Variants in MEX3D observed in about 807,000 individuals in gnomAD.
MEX3D encodes the protein RNA-binding protein MEX3D.
MEX3D carries 4 observed loss-of-function variants against 6.3 expected under a neutral mutation model. That is an observed-to-expected ratio of 0.64 (90% confidence interval 0.31 to 1.46). The LOEUF is 1.46. Ranked by LOEUF, MEX3D falls within the 40% of genes most tolerant of loss-of-function variation. The pLI is 0.07. For missense variants in MEX3D, 1,038 were observed against 994.4 expected (o/e 1.04, Z -0.59); for synonymous variants, 626 against 494.1 (o/e 1.27, Z -3.54).
At chr19:1,557,729 G>C (rs1427270627) in intron 1 of MEX3D, among the ~76,000 whole-genome samples, 1 of 151,004 alleles carries the variant, frequency 6.6e-6, no homozygotes, top group Non-Finnish European at 1.5e-5. Flanking sequence ...CGTGGTGGCA[G>C]GCATCTGTAG....
rs1284485078 is a variant in MEX3D, at chr19:1,556,451, G to A, written c.1068C>T (p.Ala356=). The stretch of plus-strand genomic sequence containing the variant: ...GGTCCAGGCAGACGTCGGTGCCGTT[G>A]GCGTGGAAGTCGCTGTCGGGGCCCG... The part of the protein sequence containing the change: ...TDAGPDSDFH[A]NGTDVCLDLL... The change falls in exon 2 of 2, where the codon GCC becomes GCT. Residue 356 remains alanine (A), a synonymous_variant. Coordinates refer to ENST00000402693, the MANE Select transcript of MEX3D (RefSeq NM_203304.4). This position sits in a 1 kb window ranked among gnomAD's most constrained non-coding sequence, Gnocchi z 7.5. The A allele has an allele frequency of 1.9e-6, 3 of 1,598,388 alleles. No individual in the cohort carries two copies. Among genetic ancestry groups the A allele is most frequent in the Non-Finnish European group, 1.7e-6 (2 of 1,177,664 alleles).
chr19:1,566,918 G>A (rs1914855679), intron 1 of MEX3D, among the ~76,000 whole-genome samples: 2 of 152,058 alleles, frequency 1.3e-5, no homozygotes, highest in South Asian at 2.1e-4. Context: ...CCTGACTCGG[G>A]GCCAGAGAGT....
chr19:1,555,964 C>G lies in MEX3D; in HGVS notation c.1555G>C (p.Glu519Gln), dbSNP rs1914532569. The change falls in exon 2 of 2, where the codon GAG becomes CAG. Residue 519 changes from glutamate (E) to glutamine (Q), a missense_variant. Transcript: ENST00000402693. ...GTPRHSPTLPEPGGLRLELPL... is the reference protein window; with the variant it reads ...GTPRHSPTLPQPGGLRLELPL... ...AGCTCCAGGCGGAGGCCGCCGGGCT[C>G]GGGCAGCGTGGGCGAGTGGCGGGGG... 15 of 1,169,826 alleles carry G rather than the reference C, an allele frequency of 1.3e-5. No homozygotes were observed. The highest frequency in any genetic ancestry group is 1.6e-5 in the Non-Finnish European group (15 of 948,322). The allele number at this position is 1,169,826 out of a possible 1,614,324, so 72.5% of individuals were successfully genotyped here. A position where few individuals can be genotyped will look rare whatever the true frequency, so the allele number is the denominator to read the frequency against.
rs533787784 is a variant in MEX3D at position 1,555,794 on chromosome 19, G to T, written c.1725C>A (p.Pro575=). 1 of 1,406,544 alleles carries T rather than the reference G, an allele frequency of 7.1e-7. No individual in the cohort carries two copies. The highest frequency in any genetic ancestry group is 3.4e-5 in the Admixed American group (1 of 29,832). 87.1% of individuals were successfully genotyped at this position (1,406,544 alleles called of 1,614,324 possible). ...PSSPAAAACA[P]LDSGASENSR... ...TGTTCTCGGAGGCGCCGGAGTCCAG[G>T]GGGGCGCAGGCGGCGGCCGCGGGGC... Residue 575 remains proline (P), a synonymous_variant, in exon 2 of 2, where the codon CCC becomes CCA. Transcript: ENST00000402693.
In MEX3D at chr19:1,567,903, G is replaced by T; in HGVS notation, c.156C>A (p.Pro52=). The change falls in exon 1 of 2, where the codon CCC becomes CCA. Residue 52 remains proline, a synonymous_variant. Coordinates refer to ENST00000402693, the MANE Select transcript of MEX3D (RefSeq NM_203304.4). This position sits in a 1 kb window ranked among gnomAD's most constrained non-coding sequence, Gnocchi z 6.5. ...GGCGGAGCGCGGCGGCCGCGTCGTC[G>T]GGTTCGGGCGGCGGCCGGGGCGCGG... ...AAPAPRPPPE[P]DDAAAALRLA... The T allele has an allele frequency of 1.0e-6, 1 of 981,056 alleles. No homozygotes were observed. The highest frequency in any genetic ancestry group is 4.5e-5 in the South Asian group (1 of 22,034). The allele number at this position is 981,056 out of a possible 1,614,324, so 60.8% of individuals were successfully genotyped here.
At position 1,555,446 on chromosome 19, in the gene MEX3D, CCCTCG is replaced by C; in HGVS notation, c.*112_*116del. ...ACTGGCCGCCGCCCACCCCCCTGCC[CCCTCG>C]GCCTCCGCCCCTCGCCCCCTCCCCG... On this transcript the variant is annotated 3_prime_UTR_variant, in exon 2 of 2. Coordinates refer to ENST00000402693, the MANE Select transcript of MEX3D (RefSeq NM_203304.4). 1 of 1,453,466 alleles carries C rather than the reference CCCTCG, an allele frequency of 6.9e-7. No individual in the cohort carries two copies. The highest frequency in any genetic ancestry group is 2.1e-5 in the Admixed American group (1 of 47,840). 90.0% of individuals were successfully genotyped at this position (1,453,466 alleles called of 1,614,324 possible). A position where few individuals can be genotyped will look rare whatever the true frequency, so the allele number is the denominator to read the frequency against.
chr19:1,561,110 C>G (rs1036603738), intron 1 of MEX3D, among the ~76,000 whole-genome samples: 12 of 152,206 alleles, frequency 7.9e-5, no homozygotes, highest in African/African-American at 2.7e-4. Flanking sequence ...CACCCCCAAC[C>G]CACAGCAGCC....
chr19:1,568,006 C>T lies in MEX3D; in HGVS notation c.53G>A (p.Gly18Asp). 1.0e-6 allele frequency: 1 copy of T among 978,768 alleles called. No homozygotes were observed. Among genetic ancestry groups the T allele is most frequent in the Non-Finnish European group, 1.2e-6 (1 of 827,610 alleles). 60.6% of individuals were successfully genotyped at this position (978,768 alleles called of 1,614,324 possible). ...PDGGGGGGGG[G>D]GGVGAAGEDP... ...CTCCCCCGCCGCCCCCACGCCGCCG[C>T]CGCCGCCGCCCCCGCCCCCGCCGCC... The change falls in exon 1 of 2, where the codon GGC (glycine) becomes GAC (aspartate). Residue 18 changes from glycine to aspartate, a missense_variant. Around this residue, in one of 5 missense-constraint regions of MEX3D, gnomAD observed 265 missense variants for 206.3 expected, o/e 1.28. Coordinates refer to ENST00000402693, the MANE Select transcript of MEX3D (RefSeq NM_203304.4).
chr19:1,555,230 T>C lies in MEX3D; in HGVS notation c.*333A>G, dbSNP rs1914483053. On this transcript the variant is annotated 3_prime_UTR_variant, in exon 2 of 2. Transcript: ENST00000402693. ...GGAAAAGTCGTGTTTTTTGTTTTGC[T>C]TTTTTAAAGATCACCCTGGAGGGGA... The C allele has an allele frequency of 8.1e-7, 1 of 1,240,876 alleles. No homozygotes were observed. Among genetic ancestry groups the C allele is most frequent in the East Asian group, 3.8e-5 (1 of 26,528 alleles). 76.9% of individuals were successfully genotyped at this position (1,240,876 alleles called of 1,614,324 possible).
At position 1,555,057 on chromosome 19, in the gene MEX3D, G is replaced by C. The variant is rs1914475223; in HGVS notation, c.*506C>G. On this transcript the variant is annotated 3_prime_UTR_variant, in exon 2 of 2. Transcript: ENST00000402693. ...CTGCCCCCTCCGGCCGCGCACGGTT[G>C]ATGTACAAAAGCATAAATGGTTAGC... is the stretch of plus-strand genomic sequence containing the variant. The C allele has an allele frequency of 1.6e-5, 2 of 126,058 alleles. 1 individual carries two copies. The highest frequency in any genetic ancestry group is 0.01 in the Middle Eastern group (2 of 196). The allele number at this position is 126,058 out of a possible 1,614,324, so 7.8% of individuals were successfully genotyped here.
Position 1,567,413 on chromosome 19 carries a change from C to A in MEX3D, c.595+51G>T. 2.0e-6 allele frequency: 3 copies of A among 1,503,558 alleles called. No homozygotes were observed. Among genetic ancestry groups the A allele is most frequent in the Non-Finnish European group, 1.8e-6 (2 of 1,130,844 alleles). The allele number at this position is 1,503,558 out of a possible 1,614,324, so 93.1% of individuals were successfully genotyped here. On this transcript the variant is annotated intron_variant, in intron 1 of 1. Transcript: ENST00000402693. This position sits in a 1 kb window ranked among gnomAD's most constrained non-coding sequence, Gnocchi z 6.5. ...GCTCGGGCGACCCCCTTCCCCGGGGCGGACGGTGCGGGGACCCCCAGGACA... is the reference window on the plus strand; with the variant it reads ...GCTCGGGCGACCCCCTTCCCCGGGGAGGACGGTGCGGGGACCCCCAGGACA...
Position 1,568,187 on chromosome 19 carries a change from C to T in MEX3D, c.-129G>A, listed in dbSNP as rs867671550. 1,680 of 672,260 alleles carry T rather than the reference C, an allele frequency of 2.5e-3. 2 individuals are homozygous for T. Among genetic ancestry groups the T allele is most frequent in the Middle Eastern group, 0.014 (17 of 1,244 alleles). 41.6% of individuals were successfully genotyped at this position (672,260 alleles called of 1,614,324 possible). A position where few individuals can be genotyped will look rare whatever the true frequency, so the allele number is the denominator to read the frequency against. On this transcript the variant is annotated 5_prime_UTR_variant, in exon 1 of 2. Transcript: ENST00000402693. ...AGCGGCGGGGGCGGGCACGGGGGGC[C>T]GGGCGGGCGGGGCGGCGGCGGCGCG...
In MEX3D at chr19:1,568,067, C is replaced by T; in HGVS notation, c.-9G>A. 1.0e-6 allele frequency: 1 copy of T among 978,624 alleles called. No individual in the cohort carries two copies. The highest frequency in any genetic ancestry group is 5.3e-4 in the Middle Eastern group (1 of 1,888). 60.6% of individuals were successfully genotyped at this position (978,624 alleles called of 1,614,324 possible). A position where few individuals can be genotyped will look rare whatever the true frequency, so the allele number is the denominator to read the frequency against. ...CCGAGCGAGCTGGGCATGGCGGGAG[C>T]TAGCGCTGGGGCCCGCGCTCCTGCC... On this transcript the variant is annotated 5_prime_UTR_variant, in exon 1 of 2. The change abolishes the stop of an existing upstream ORF in the 5' untranslated region. Coordinates refer to ENST00000402693, the MANE Select transcript of MEX3D (RefSeq NM_203304.4).
At position 1,568,034 on chromosome 19, in the gene MEX3D, C is replaced by T; in HGVS notation, c.25G>A (p.Asp9Asn). MPSSLGQP[D>N]GGGGGGGGGG... ...CCGCCGCCCCCGCCCCCGCCGCCGT[C>T]GGGCTGGCCGAGCGAGCTGGGCATG... The change falls in exon 1 of 2, where the codon GAC (aspartate) becomes AAC (asparagine). Residue 9 changes from aspartate (D) to asparagine (N), a missense_variant. Physicochemically the swap from Asp to Asn is conservative, Grantham distance 23. Around this residue, in one of 5 missense-constraint regions of MEX3D, gnomAD observed 265 missense variants for 206.3 expected, o/e 1.28. Transcript: ENST00000402693. The T allele has an allele frequency of 2.0e-6, 2 of 978,214 alleles. No individual in the cohort carries two copies. Among genetic ancestry groups the T allele is most frequent in the Non-Finnish European group, 2.4e-6 (2 of 827,672 alleles). The allele number at this position is 978,214 out of a possible 1,614,324, so 60.6% of individuals were successfully genotyped here.
At position 1,556,038 on chromosome 19, in the gene MEX3D, G is replaced by A; in HGVS notation, c.1481C>T (p.Ala494Val). ...AFSGCSTVNGAPGPPAAGARR... is the reference protein window; with the variant it reads ...AFSGCSTVNGVPGPPAAGARR... Reference sequence around the variant, plus strand: ...GGCGCCGGCGGCGGGAGGTCCCGGGGCTCCGTTGACCGTGGAGCAGCCGCT... The same window carrying A: ...GGCGCCGGCGGCGGGAGGTCCCGGGACTCCGTTGACCGTGGAGCAGCCGCT... The change falls in exon 2 of 2, where the codon GCC (alanine) becomes GTC (valine). Residue 494 changes from alanine (A) to valine (V), a missense_variant. Coordinates refer to ENST00000402693, the MANE Select transcript of MEX3D (RefSeq NM_203304.4). This position sits in a 1 kb window ranked among gnomAD's most constrained non-coding sequence, Gnocchi z 7.5. The A allele has an allele frequency of 5.3e-6, 7 of 1,318,478 alleles. No homozygotes were observed. The highest frequency in any genetic ancestry group is 5.8e-6 in the Non-Finnish European group (6 of 1,033,306). 81.7% of individuals were successfully genotyped at this position (1,318,478 alleles called of 1,614,324 possible).
chr19:1,564,866 G>A (rs1914801438), intron 1 of MEX3D, among the ~76,000 whole-genome samples: 1 of 152,134 alleles, frequency 6.6e-6, no homozygotes, highest in Admixed American at 6.6e-5. Flanking sequence ...AAGGGGCAGG[G>A]CCGGGGCACA....
intron 1 of MEX3D, among the ~76,000 whole-genome samples, chr19:1,560,510 G>A (rs1914690615): frequency 6.6e-6 from 1 of 152,238 alleles, no homozygotes. Flanking sequence ...ACACGTGGGA[G>A]AGGCTGCCCC....
chr19:1,556,248 T>C lies in MEX3D; in HGVS notation c.1271A>G (p.Tyr424Cys). Residue 424 changes from tyrosine to cysteine, a missense_variant, in exon 2 of 2, where the codon TAC becomes TGC. Around this residue, in one of 5 missense-constraint regions of MEX3D, gnomAD observed 581 missense variants for 516.2 expected, o/e 1.13. Coordinates refer to ENST00000402693, the MANE Select transcript of MEX3D (RefSeq NM_203304.4). The surrounding 1 kb of genome is among the most constrained non-coding windows in gnomAD (Gnocchi z 7.5). ...GAAGCCCCCGTTGCCGGAGCCGCTGTAGGGGCTGGCGGGGCCTGGGTCCGG... is the reference window on the plus strand; with the variant it reads ...GAAGCCCCCGTTGCCGGAGCCGCTGCAGGGGCTGGCGGGGCCTGGGTCCGG... The part of the protein sequence containing the change: ...SVPDPGPASP[Y>C]SGSGNGGFAF... 1 of 1,375,406 alleles carries C rather than the reference T, an allele frequency of 7.3e-7. No homozygotes were observed. Among genetic ancestry groups the C allele is most frequent in the Non-Finnish European group, 9.4e-7 (1 of 1,067,612 alleles). 85.2% of individuals were successfully genotyped at this position (1,375,406 alleles called of 1,614,324 possible). A position where few individuals can be genotyped will look rare whatever the true frequency, so the allele number is the denominator to read the frequency against.
intron 1 of MEX3D, among the ~76,000 whole-genome samples, chr19:1,566,004 T>G (rs1409572931): frequency 1.3e-5 from 2 of 152,228 alleles, no homozygotes; most frequent in East Asian, 3.9e-4. Flanking sequence ...CTTTGGTCAC[T>G]TGGTCCCCAG....
Sources: allele counts gnomAD v4.1 joint callset (sites outside exome capture counted in the v4.1 genomes callset), GRCh38; gene constraint gnomAD v4.1.1; regional missense constraint gnomAD v4.1.1; non-coding constraint Gnocchi (gnomAD v3.1); transcripts MANE v1.5; gene names NCBI Gene and HGNC (gene_info 2026-07-23, HGNC 2026-07-21).